JUND: variants seen among roughly 807,000 people sequenced by gnomAD.
JUND encodes the protein JunD proto-oncogene, AP-1 transcription factor subunit.
A neutral mutation model predicts 7.1 loss-of-function variants in JUND; 2 were observed. That is an observed-to-expected ratio of 0.28 (90% CI 0.11 to 0.88). JUND has a LOEUF of 0.88. Ranked by LOEUF, JUND falls within the 40% of genes least tolerant of loss-of-function variation. The pLI is 0.60. For synonymous variants in JUND, 335 were observed against 263.2 expected (o/e 1.27, Z -2.64); for missense variants, 479 against 519.1 (o/e 0.92, Z 0.75).
Position 18,281,269 on chromosome 19 carries a change from G to A in JUND, c.216C>T (p.Pro72=), listed in dbSNP as rs543463067. ...CGCTGGGGGCGCCGTCGGCGCGCAG[G>A]GGGGTAGGAGGCGGCGCGGCCGCAG... is the stretch of plus-strand genomic sequence containing the variant. ...LKPAAAPPPT[P]LRADGAPSAA... Residue 72 remains proline (P), a synonymous_variant, in exon 1 of 1, where the codon CCC becomes CCT. Transcript: ENST00000252818. The A allele has an allele frequency of 7.7e-6, 11 of 1,437,474 alleles. No homozygotes were observed. Among genetic ancestry groups the A allele is most frequent in the South Asian group, 5.5e-5 (4 of 72,446 alleles). The allele number at this position is 1,437,474 out of a possible 1,614,324, so 89.0% of individuals were successfully genotyped here.
In JUND at chr19:18,280,053, G is replaced by GAAAA; in HGVS notation, c.*384_*387dup. 4.9e-6 allele frequency: 1 copy of GAAAA among 205,628 alleles called. No individual in the cohort carries two copies. Among genetic ancestry groups the GAAAA allele is most frequent in the Non-Finnish European group, 9.6e-6 (1 of 103,684 alleles). 12.7% of individuals were successfully genotyped at this position (205,628 alleles called of 1,614,324 possible). A position where few individuals can be genotyped will look rare whatever the true frequency, so the allele number is the denominator to read the frequency against. ...ACACTCTGTTCTTCTCTCTTCCAAA[G>GAAAA]AAAAAAAAAAAAAAGTAAAAGTAAA... On this transcript the variant is annotated 3_prime_UTR_variant, in exon 1 of 1. Transcript: ENST00000252818. This position sits in a 1 kb window ranked among gnomAD's most constrained non-coding sequence, Gnocchi z 4.1.
At position 18,281,335 on chromosome 19, in the gene JUND, C is replaced by T. The variant is rs1327163350; in HGVS notation, c.150G>A (p.Leu50=). ...AAGSMMKKDA[L]TLSLSEQVAA... The stretch of plus-strand genomic sequence containing the variant: ...CCACCTGCTCACTCAGGCTCAGCGT[C>T]AGCGCGTCCTTCTTCATCATGCTGC... Residue 50 remains leucine (L), a synonymous_variant, in exon 1 of 1, where the codon CTG becomes CTA. Coordinates refer to ENST00000252818, the MANE Select transcript of JUND (RefSeq NM_005354.6). 2.2e-6 allele frequency: 3 copies of T among 1,355,766 alleles called. No individual in the cohort carries two copies. The highest frequency in any genetic ancestry group is 3.1e-5 in the African/African-American group (2 of 64,768). 84.0% of individuals were successfully genotyped at this position (1,355,766 alleles called of 1,614,324 possible).
rs1490168985 is a variant in JUND, at chr19:18,280,282, G to A, written c.*159C>T. 7 of 560,802 alleles carry A rather than the reference G, an allele frequency of 1.2e-5. No individual in the cohort carries two copies. The highest frequency in any genetic ancestry group is 2.2e-5 in the South Asian group (1 of 45,746). The allele number at this position is 560,802 out of a possible 1,614,324, so 34.7% of individuals were successfully genotyped here. On this transcript the variant is annotated 3_prime_UTR_variant, in exon 1 of 1. Coordinates refer to ENST00000252818, the MANE Select transcript of JUND (RefSeq NM_005354.6). This position sits in a 1 kb window ranked among gnomAD's most constrained non-coding sequence, Gnocchi z 4.1. ...CGAGTCCTGGGCACCCTCGGGGGGG[G>A]GGAATCCCCGGGGGCCGCGCCCTCT...
chr19:18,280,438 G>C lies in JUND; in HGVS notation c.*3C>G. 6.5e-7 allele frequency: 1 copy of C among 1,550,346 alleles called. No homozygotes were observed. Among genetic ancestry groups the C allele is most frequent in the Non-Finnish European group, 8.7e-7 (1 of 1,148,510 alleles). On this transcript the variant is annotated 3_prime_UTR_variant, in exon 1 of 1. Coordinates refer to ENST00000252818, the MANE Select transcript of JUND (RefSeq NM_005354.6). The surrounding 1 kb of genome is among the most constrained non-coding windows in gnomAD (Gnocchi z 4.1). ...TGGCCGCGCATGCGCCCCGCGCGCGGACTCAGTACGCGGGCACCTGGTGCT... is the reference window on the plus strand; with the variant it reads ...TGGCCGCGCATGCGCCCCGCGCGCGCACTCAGTACGCGGGCACCTGGTGCT...
At position 18,281,490 on chromosome 19, in the gene JUND, G is replaced by A; in HGVS notation, c.-6C>T. ...CCGTAGAAGGGTGTTTCCATCCTCC[G>A]CCTCCCCCGCCGCGCCGGCCCGGGG... On this transcript the variant is annotated 5_prime_UTR_variant, in exon 1 of 1. Transcript: ENST00000252818. 1 of 1,280,714 alleles carries A rather than the reference G, an allele frequency of 7.8e-7. No homozygotes were observed. The highest frequency in any genetic ancestry group is 4.1e-5 in the Admixed American group (1 of 24,462). 79.3% of individuals were successfully genotyped at this position (1,280,714 alleles called of 1,614,324 possible).
Position 18,280,528 on chromosome 19 carries a change from C to G in JUND, c.957G>C (p.Glu319Asp), listed in dbSNP as rs781169804. The G allele has an allele frequency of 1.9e-6, 3 of 1,611,136 alleles. No homozygotes were observed. The African/African-American group carries it at 4.0e-5, about 22-fold the overall frequency. The change falls in exon 1 of 1, where the codon GAG becomes GAC. Residue 319 changes from glutamate to aspartate, a missense_variant. Around this residue, in one of 3 missense-constraint regions of JUND, gnomAD observed 42 missense variants for 37.1 expected, o/e 1.13. Coordinates refer to ENST00000252818, the MANE Select transcript of JUND (RefSeq NM_005354.6). The surrounding 1 kb of genome is among the most constrained non-coding windows in gnomAD (Gnocchi z 4.1). ...CTTTCTGCTTGAGCTGCGCCACCTG[C>G]TCGCGCAGCAGGCTCGCCGTGGACG... ...ELASTASLLREQVAQLKQKVL... is the reference protein window; with the variant it reads ...ELASTASLLRDQVAQLKQKVL...
Position 18,281,564 on chromosome 19 carries a change from G to T in JUND, c.-80C>A. ...GGGCCCGCGCCCCCCCGTCCGCTCGGCCCTGCGCCCGCCCCGGCCGCGGCC... is the reference window on the plus strand; with the variant it reads ...GGGCCCGCGCCCCCCCGTCCGCTCGTCCCTGCGCCCGCCCCGGCCGCGGCC... On this transcript the variant is annotated 5_prime_UTR_variant, in exon 1 of 1. Coordinates refer to ENST00000252818, the MANE Select transcript of JUND (RefSeq NM_005354.6). The T allele has an allele frequency of 1.9e-6, 1 of 530,642 alleles. No individual in the cohort carries two copies. The allele number at this position is 530,642 out of a possible 1,614,324, so 32.9% of individuals were successfully genotyped here.
Position 18,280,946 on chromosome 19 carries a change from C to T in JUND, c.539G>A (p.Gly180Asp), listed in dbSNP as rs1397413346. The change falls in exon 1 of 1, where the codon GGC (glycine) becomes GAC (aspartate). Residue 180 changes from glycine to aspartate, a missense_variant. Around this residue, in one of 3 missense-constraint regions of JUND, gnomAD observed 374 missense variants for 365.4 expected, o/e 1.02. Transcript: ENST00000252818. This position sits in a 1 kb window ranked among gnomAD's most constrained non-coding sequence, Gnocchi z 4.1. Reference protein sequence around the residue: ...SGTATGSAPPGELAPAAAAPE... With the variant: ...SGTATGSAPPDELAPAAAAPE... The stretch of plus-strand genomic sequence containing the variant: ...CGCGGCCGCCGCCGGGGCCAGCTCG[C>T]CGGGGGGCGCGGAGCCCGTGGCCGT... The T allele has an allele frequency of 9.3e-7, 1 of 1,070,324 alleles. No individual in the cohort carries two copies. Among genetic ancestry groups the T allele is most frequent in the Non-Finnish European group, 1.1e-6 (1 of 887,950 alleles). 66.3% of individuals were successfully genotyped at this position (1,070,324 alleles called of 1,614,324 possible).
At position 18,280,258 on chromosome 19, in the gene JUND, G is replaced by GAGTCCGGGGCGCCCCTTCCA. The variant is rs1486096669; in HGVS notation, c.*182_*183insTGGAAGGGGCGCCCCGGACT. On this transcript the variant is annotated 3_prime_UTR_variant, in exon 1 of 1. Coordinates refer to ENST00000252818, the MANE Select transcript of JUND (RefSeq NM_005354.6). The surrounding 1 kb of genome is among the most constrained non-coding windows in gnomAD (Gnocchi z 4.1). Reference sequence around the variant, plus strand: ...CCGGGAGCAGGGGGTCCAGCTTGTCGAGTCCTGGGCACCCTCGGGGGGGGG... The same window carrying GAGTCCGGGGCGCCCCTTCCA: ...CCGGGAGCAGGGGGTCCAGCTTGTCGAGTCCGGGGCGCCCCTTCCAAGTCCTGGGCACCCTCGGGGGGGGG... 3.7e-6 allele frequency: 2 copies of GAGTCCGGGGCGCCCCTTCCA among 542,810 alleles called. No homozygotes were observed. 33.6% of individuals were successfully genotyped at this position (542,810 alleles called of 1,614,324 possible).
Position 18,280,376 on chromosome 19 carries a change from C to T in JUND, c.*65G>A. 1 of 1,507,946 alleles carries T rather than the reference C, an allele frequency of 6.6e-7. No homozygotes were observed. The highest frequency in any genetic ancestry group is 8.8e-7 in the Non-Finnish European group (1 of 1,132,884). 93.4% of individuals were successfully genotyped at this position (1,507,946 alleles called of 1,614,324 possible). A position where few individuals can be genotyped will look rare whatever the true frequency, so the allele number is the denominator to read the frequency against. ...GCACCCTCTCCAAGTCCGGGGCGCC[C>T]ACGACACCCCCCCGCGAGCCCGCCC... is the stretch of plus-strand genomic sequence containing the variant. On this transcript the variant is annotated 3_prime_UTR_variant, in exon 1 of 1. Coordinates refer to ENST00000252818, the MANE Select transcript of JUND (RefSeq NM_005354.6). The surrounding 1 kb of genome is among the most constrained non-coding windows in gnomAD (Gnocchi z 4.1).
Position 18,281,353 on chromosome 19 carries a change from C to G in JUND, c.132G>C (p.Met44Ile), listed in dbSNP as rs1969945434. The G allele has an allele frequency of 1.5e-6, 2 of 1,345,978 alleles. No individual in the cohort carries two copies. Among genetic ancestry groups the G allele is most frequent in the Non-Finnish European group, 1.9e-6 (2 of 1,058,278 alleles). 83.4% of individuals were successfully genotyped at this position (1,345,978 alleles called of 1,614,324 possible). ...TCAGCGTCAGCGCGTCCTTCTTCATCATGCTGCCGGCCGCGGCCGTCGGGG... is the reference window on the plus strand; with the variant it reads ...TCAGCGTCAGCGCGTCCTTCTTCATGATGCTGCCGGCCGCGGCCGTCGGGG... Reference protein sequence around the residue: ...GAPPTAAAGSMMKKDALTLSL... With the variant: ...GAPPTAAAGSIMKKDALTLSL... Residue 44 changes from methionine (M) to isoleucine (I), a missense_variant, in exon 1 of 1, where the codon ATG becomes ATC. Physicochemically the swap from Met to Ile is conservative, Grantham distance 10 (BLOSUM62 1). This residue lies in a region of JUND where 374 missense variants were observed against 365.4 expected (regional missense o/e 1.02). Coordinates refer to ENST00000252818, the MANE Select transcript of JUND (RefSeq NM_005354.6).
In JUND at chr19:18,281,029, C is replaced by G. The variant is rs752096805; in HGVS notation, c.456G>C (p.Gln152His). Residue 152 changes from glutamine to histidine, a missense_variant, in exon 1 of 1, where the codon CAG becomes CAC. This residue lies in a region of JUND where 374 missense variants were observed against 365.4 expected (regional missense o/e 1.02). Transcript: ENST00000252818. ...CGGCAGCGGCCGCGCCCGCGCCGAG[C>G]TGGTTCTGCTTGTGTAAATCCTCCA... ...KALEDLHKQN[Q>H]LGAGAAAAAA... is the part of the protein sequence containing the mutation. The G allele has an allele frequency of 2.1e-6, 3 of 1,448,556 alleles. No homozygotes were observed. The highest frequency in any genetic ancestry group is 2.7e-6 in the Non-Finnish European group (3 of 1,096,528). The allele number at this position is 1,448,556 out of a possible 1,614,324, so 89.7% of individuals were successfully genotyped here.
In JUND at chr19:18,281,497, C is replaced by G. The variant is rs1343902436; in HGVS notation, c.-13G>C. 2.4e-6 allele frequency: 3 copies of G among 1,269,988 alleles called. No homozygotes were observed. The highest frequency in any genetic ancestry group is 1.6e-5 in the African/African-American group (1 of 63,586). 78.7% of individuals were successfully genotyped at this position (1,269,988 alleles called of 1,614,324 possible). A position where few individuals can be genotyped will look rare whatever the true frequency, so the allele number is the denominator to read the frequency against. Reference sequence around the variant, plus strand: ...AGGGTGTTTCCATCCTCCGCCTCCCCCGCCGCGCCGGCCCGGGGGGGAGTG... The same window carrying G: ...AGGGTGTTTCCATCCTCCGCCTCCCGCGCCGCGCCGGCCCGGGGGGGAGTG... On this transcript the variant is annotated 5_prime_UTR_variant, in exon 1 of 1. Transcript: ENST00000252818.
At position 18,280,464 on chromosome 19, in the gene JUND, G is replaced by A. The variant is rs1222325086; in HGVS notation, c.1021C>T (p.Gln341Ter). 6.4e-7 allele frequency: 1 copy of A among 1,566,748 alleles called. No homozygotes were observed. Among genetic ancestry groups the A allele is most frequent in the Non-Finnish European group, 8.6e-7 (1 of 1,156,296 alleles). ...HVNSGCQLLP[Q>*]HQVPAY ...ACTCAGTACGCGGGCACCTGGTGCTGGGGCAGCAGCTGGCAGCCGCTGTTG... is the reference window on the plus strand; with the variant it reads ...ACTCAGTACGCGGGCACCTGGTGCTAGGGCAGCAGCTGGCAGCCGCTGTTG... Residue 341 changes from glutamine (Q) to a stop codon, truncating the protein, a stop_gained, in exon 1 of 1, where the codon CAG becomes TAG. Transcript: ENST00000252818. LOFTEE classifies it high-confidence loss of function. The surrounding 1 kb of genome is among the most constrained non-coding windows in gnomAD (Gnocchi z 4.1).
Position 18,280,462 on chromosome 19 carries a change from C to T in JUND, c.1023G>A (p.Gln341=), listed in dbSNP as rs1322496296. ...GGACTCAGTACGCGGGCACCTGGTG[C>T]TGGGGCAGCAGCTGGCAGCCGCTGT... The part of the protein sequence containing the change: ...HVNSGCQLLP[Q]HQVPAY Residue 341 remains glutamine, a synonymous_variant, in exon 1 of 1, where the codon CAG becomes CAA. Transcript: ENST00000252818. This position sits in a 1 kb window ranked among gnomAD's most constrained non-coding sequence, Gnocchi z 4.1. 5 of 1,565,138 alleles carry T rather than the reference C, an allele frequency of 3.2e-6. No individual in the cohort carries two copies. The highest frequency in any genetic ancestry group is 4.3e-6 in the Non-Finnish European group (5 of 1,155,424).
Position 18,280,087 on chromosome 19 carries a change from A to T in JUND, c.*354T>A. The T allele has an allele frequency of 7.6e-6, 2 of 263,726 alleles. No individual in the cohort carries two copies. The highest frequency in any genetic ancestry group is 1.5e-5 in the Non-Finnish European group (2 of 137,786). 16.3% of individuals were successfully genotyped at this position (263,726 alleles called of 1,614,324 possible). A position where few individuals can be genotyped will look rare whatever the true frequency, so the allele number is the denominator to read the frequency against. On this transcript the variant is annotated 3_prime_UTR_variant, in exon 1 of 1. Transcript: ENST00000252818. The surrounding 1 kb of genome is among the most constrained non-coding windows in gnomAD (Gnocchi z 4.1). ...AAAAAAGTAAAAGTAAAGGAAAGGCAGGGTTTGAGGCTGCGCCCCCTCGGA... is the reference window on the plus strand; with the variant it reads ...AAAAAAGTAAAAGTAAAGGAAAGGCTGGGTTTGAGGCTGCGCCCCCTCGGA...
chr19:18,281,539 GGGCCCGCGCCCCCCCGTCCGCTC>G lies in JUND; in HGVS notation c.-78_-56del, dbSNP rs1419209191. The G allele has an allele frequency of 3.3e-5, 32 of 967,480 alleles. No homozygotes were observed. The highest frequency in any genetic ancestry group is 1.0e-4 in the Admixed American group (2 of 19,754). 59.9% of individuals were successfully genotyped at this position (967,480 alleles called of 1,614,324 possible). A position where few individuals can be genotyped will look rare whatever the true frequency, so the allele number is the denominator to read the frequency against. ...GGGGGAGTGGCCGCGGCCTCCCGGG[GGGCCCGCGCCCCCCCGTCCGCTC>G]GGCCCTGCGCCCGCCCCGGCCGCGG... On this transcript the variant is annotated 5_prime_UTR_variant, in exon 1 of 1. Transcript: ENST00000252818.
rs781502134 is a variant in JUND at position 18,279,865 on chromosome 19, G to C, written c.*576C>G. Reference sequence around the variant, plus strand: ...AAAACAAAACAGAACAAAAAAGGGAGGGGGGACCGGTCGAAAGAACCGAAG... The same window carrying C: ...AAAACAAAACAGAACAAAAAAGGGACGGGGGACCGGTCGAAAGAACCGAAG... On this transcript the variant is annotated 3_prime_UTR_variant, in exon 1 of 1. Transcript: ENST00000252818. 6.5e-6 allele frequency: 1 copy of C among 152,914 alleles called. No homozygotes were observed. Among genetic ancestry groups the C allele is most frequent in the African/African-American group, 2.4e-5 (1 of 41,126 alleles). The allele number at this position is 152,914 out of a possible 1,614,324, so 9.5% of individuals were successfully genotyped here.
rs993419014 is a variant in JUND at position 18,279,718 on chromosome 19, C to G, written c.*723G>C. On this transcript the variant is annotated 3_prime_UTR_variant, in exon 1 of 1. Coordinates refer to ENST00000252818, the MANE Select transcript of JUND (RefSeq NM_005354.6). The stretch of plus-strand genomic sequence containing the variant: ...GAAGCGAACCAGGCCCCGCCCAGCC[C>G]GCCAGGCCCCGGCGGGGGAAGAAGG... 2 of 152,566 alleles carry G rather than the reference C, an allele frequency of 1.3e-5. No homozygotes were observed. The highest frequency in any genetic ancestry group is 4.8e-5 in the African/African-American group (2 of 41,456). 9.5% of individuals were successfully genotyped at this position (152,566 alleles called of 1,614,324 possible). A position where few individuals can be genotyped will look rare whatever the true frequency, so the allele number is the denominator to read the frequency against.
Sources: gnomAD v4.1 joint callset for allele counts on GRCh38, gnomAD v4.1.1 for gene constraint, gnomAD v4.1.1 regional missense constraint, Gnocchi (gnomAD v3.1) non-coding constraint, MANE v1.5 for transcripts, NCBI Gene and HGNC (gene_info 2026-07-23, HGNC 2026-07-21) for gene names.